The following ELP4 variants were observed in gnomAD, a reference collection of about 807,000 sequenced individuals.
ELP4 encodes elongator acetyltransferase complex subunit 4.
ELP4 carries 51 observed loss-of-function variants against 48.9 expected under a neutral mutation model. The observed-to-expected ratio is 1.04, with a 90% CI of 0.83 to 1.32. The LOEUF (loss-of-function observed/expected upper bound fraction) is 1.32. Among genes scored for constraint, ELP4 ranks in the 40% most tolerant of loss-of-function variants. ELP4 has a pLI of 0.00. For missense variants in ELP4, 519 were observed against 514.6 expected, an observed-to-expected ratio of 1.01 and a Z score of -0.08; for synonymous variants, 210 against 189.2, an observed-to-expected ratio of 1.11 and a Z score of -0.90.
intron 9 of ELP4, among the ~76,000 whole-genome samples, chr11:31,712,642 G>T (rs1176567015): frequency 6.6e-6 from 1 of 151,886 alleles, no homozygotes; most frequent in Non-Finnish European, 1.5e-5. Context: ...AAGAGATTTT[G>T]GTTAGAATTT....
At chr11:31,639,859 A>C (rs542707674) in intron 7 of ELP4, among the ~76,000 whole-genome samples, 1 of 152,088 alleles carries the variant, frequency 6.6e-6, no homozygotes, top group African/African-American at 2.4e-5. Context: ...TAACTTTGTG[A>C]TGTTCTTGTT....
chr11:31,628,659 T>C (rs1944797337), intron 6 of ELP4, among the ~76,000 whole-genome samples: 1 of 152,128 alleles, frequency 6.6e-6, no homozygotes, highest in African/African-American at 2.4e-5. Flanking sequence ...TAATGACTTT[T>C]ATAAAGATTA....
intron 9 of ELP4, among the ~76,000 whole-genome samples, chr11:31,744,471 A>T (rs1433316689): frequency 6.6e-6 from 1 of 152,240 alleles, no homozygotes. Context: ...CTTGATGAAC[A>T]TTGATGCAAA....
intron 9 of ELP4, among the ~76,000 whole-genome samples, chr11:31,705,987 G>A (rs1946622963): frequency 6.6e-6 from 1 of 151,808 alleles, no homozygotes; most frequent in Non-Finnish European, 1.5e-5. Flanking sequence ...TGAGTAACTA[G>A]GACTGCAGAT....
chr11:31,735,671 T>C (rs1344577942), intron 9 of ELP4, among the ~76,000 whole-genome samples: 1 of 152,170 alleles, frequency 6.6e-6, no homozygotes, highest in African/African-American at 2.4e-5. Flanking sequence ...AGCATTCTTA[T>C]ACACCATTAA....
At chr11:31,636,140 C>T (rs1355834091) in intron 7 of ELP4, among the ~76,000 whole-genome samples, 1 of 151,878 alleles carries the variant, frequency 6.6e-6, no homozygotes, top group Non-Finnish European at 1.5e-5. Context: ...CATAGGGATA[C>T]AGTAGCAAAC....
intron 9 of ELP4, among the ~76,000 whole-genome samples, chr11:31,714,140 G>C (rs921524833): frequency 6.6e-6 from 1 of 152,074 alleles, no homozygotes; most frequent in African/African-American, 2.4e-5. Context: ...CTTAAGTCTG[G>C]TAAGATGTAG....
intron 2 of ELP4, among the ~76,000 whole-genome samples, chr11:31,538,317 A>G (rs919973994): frequency 1.1e-4 from 17 of 148,514 alleles, no homozygotes; most frequent in Non-Finnish European, 1.5e-4. Flanking sequence ...TACAGTAATG[A>G]CAATATAATT....
intron 9 of ELP4, among the ~76,000 whole-genome samples, chr11:31,713,611 G>A (rs1160358455): frequency 1.3e-5 from 2 of 152,058 alleles, no homozygotes; most frequent in African/African-American, 4.8e-5. Context: ...ATATATTTAT[G>A]CCATGTTTCC....
At chr11:31,737,542 A>G (rs1438990087) in intron 9 of ELP4, among the ~76,000 whole-genome samples, 2 of 152,112 alleles carry the variant, frequency 1.3e-5, no homozygotes, top group Admixed American at 1.3e-4. Flanking sequence ...TGGCCTACAG[A>G]CTGGGAGAAA....
At chr11:31,600,009 A>G (rs553486863) in intron 4 of ELP4, 4 of 152,322 alleles carry the variant, frequency 2.6e-5, no homozygotes, top group Admixed American at 2.0e-4. Flanking sequence ...GATTAAATAA[A>G]TAGTTCAAAA....
chr11:31,645,185 C>T (rs908867279), intron 7 of ELP4, among the ~76,000 whole-genome samples: 4 of 151,588 alleles, frequency 2.6e-5, no homozygotes, highest in Non-Finnish European at 4.4e-5. Flanking sequence ...ACCTGTGAAA[C>T]TTAGAAATAT....
At chr11:31,781,621 C>T (rs1167583433) in intron 9 of ELP4, among the ~76,000 whole-genome samples, 1 of 151,442 alleles carries the variant, frequency 6.6e-6, no homozygotes, top group Non-Finnish European at 1.5e-5. Flanking sequence ...GCCTCAGCCT[C>T]CCTGGTAGCT....
intron 9 of ELP4, among the ~76,000 whole-genome samples, chr11:31,656,854 A>T (rs1223377765): frequency 6.6e-6 from 1 of 152,044 alleles, no homozygotes; most frequent in Non-Finnish European, 1.5e-5. Context: ...AGAAAATTAT[A>T]TTGCAGTACT....
At chr11:31,703,552 G>A (rs1356622650) in intron 9 of ELP4, among the ~76,000 whole-genome samples, 1 of 152,058 alleles carries the variant, frequency 6.6e-6, no homozygotes, top group African/African-American at 2.4e-5. Flanking sequence ...TATTGAAATG[G>A]AAAGTAACTA....
intron 3 of ELP4, among the ~76,000 whole-genome samples, chr11:31,572,658 T>G (rs1277957532): frequency 2.6e-5 from 4 of 152,216 alleles, no homozygotes; most frequent in African/African-American, 9.6e-5. Flanking sequence ...CACATTCTTT[T>G]TATTGAAGTC....
chr11:31,739,860 T>G (rs1052847463), intron 9 of ELP4, among the ~76,000 whole-genome samples: 1 of 152,232 alleles, frequency 6.6e-6, no homozygotes, highest in Non-Finnish European at 1.5e-5. Context: ...TTATTTCTTA[T>G]GTACAGAACA....
chr11:31,660,841 G>T (rs1945540728), intron 9 of ELP4, among the ~76,000 whole-genome samples: 1 of 151,888 alleles, frequency 6.6e-6, no homozygotes, highest in Non-Finnish European at 1.5e-5. Flanking sequence ...ATAGTGATTT[G>T]TTTTAATTAT....
In ELP4 at chr11:31,668,488, CT is replaced by C. The variant is rs754925129; in HGVS notation, c.1143+18282del. Among the ~76,000 whole-genome samples, 786 of 140,886 alleles carry C rather than the reference CT, an allele frequency of 5.6e-3. 3 individuals are homozygous for C. The highest frequency in any genetic ancestry group is 9.7e-3 in the African/African-American group (374 of 38,746). The allele number at this position is 140,886 out of a possible 152,430, so 92.4% of individuals were successfully genotyped here. A position where few individuals can be genotyped will look rare whatever the true frequency, so the allele number is the denominator to read the frequency against. Reference sequence around the variant, plus strand: ...TATTTTCCAGTAATGTGTTGTAATTCTTTTTTTTTTTTTTTCCCCAAGAGAC... The same window carrying C: ...TATTTTCCAGTAATGTGTTGTAATTCTTTTTTTTTTTTTTCCCCAAGAGAC... On this transcript the variant is annotated intron_variant, in intron 9 of 9. Coordinates refer to ENST00000640961, the MANE Select transcript of ELP4 (RefSeq NM_019040.5).
Sources: allele counts gnomAD v4.1 joint callset (sites outside exome capture counted in the v4.1 genomes callset), GRCh38; gene constraint gnomAD v4.1.1; transcripts MANE v1.5; gene names NCBI Gene and HGNC (gene_info 2026-07-23, HGNC 2026-07-21).